ZSCAN25: variants seen among roughly 807,000 people sequenced by gnomAD.
ZSCAN25 encodes the protein zinc finger and SCAN domain containing 25.
A neutral mutation model predicts 38.7 loss-of-function variants in ZSCAN25; 27 were observed. That is an observed-to-expected ratio of 0.70 (90% CI 0.51 to 0.96). ZSCAN25 has a LOEUF of 0.96. ZSCAN25 is among the 40% of genes least tolerant of loss of function. The pLI, the probability that ZSCAN25 is intolerant of heterozygous loss-of-function variation, is 0.00. For synonymous variants in ZSCAN25, 273 were observed against 277.7 expected (o/e 0.98, Z 0.17); for missense variants, 637 against 705.9 (o/e 0.90, Z 1.11).
At chr7:99,715,526 T>C in the ZSCAN25 span, 3 of 626,334 alleles carry the variant, frequency 4.8e-6, no homozygotes, top group Non-Finnish European at 7.9e-6. Context: ...CTAGTGGTTA[T>C]ATACGACAAC....
At chr7:99,726,934 C>T in the ZSCAN25 span, among the ~76,000 whole-genome samples, 1 of 152,212 alleles carries the variant, frequency 6.6e-6, no homozygotes, top group East Asian at 1.9e-4. Flanking sequence ...GAAACCCCAA[C>T]CCCTTCTACA....
chr7:99,635,333 A>G (rs188202577), downstream of ZSCAN25, among the ~76,000 whole-genome samples: 108 of 152,324 alleles, frequency 7.1e-4, no homozygotes, highest in African/African-American at 2.5e-3. Context: ...ACTGCAGTTT[A>G]TAAATTCACA....
chr7:99,662,798 G>T, the ZSCAN25 span: 1 of 1,611,060 alleles, frequency 6.2e-7, no homozygotes, highest in Non-Finnish European at 8.5e-7. The surrounding 1 kb of genome is among the most constrained non-coding windows in gnomAD (Gnocchi z 4.3). Flanking sequence ...GTAGCCCTCA[G>T]AAGCACTCCT....
chr7:99,711,038 T>A, the ZSCAN25 span: 25 of 1,364,468 alleles, frequency 1.8e-5, no homozygotes, highest in Non-Finnish European at 1.7e-5. Flanking sequence ...GTGGTTTCAC[T>A]CTGATGTGTG....
At chr7:99,718,105 C>T in the ZSCAN25 span, among the ~76,000 whole-genome samples, 1 of 151,960 alleles carries the variant, frequency 6.6e-6, no homozygotes, top group African/African-American at 2.4e-5. Context: ...GGGAACATCA[C>T]ACACTGGGGC....
chr7:99,631,713 C>G lies in ZSCAN25; in HGVS notation c.*1693C>G, dbSNP rs565307406. ...CCCACTTTGAAACGTGGTTTTATCA[C>G]CTGTTCTTGTTAGGCAGCATGGTGT... On this transcript the variant is annotated 3_prime_UTR_variant, in exon 8 of 8. Coordinates refer to ENST00000394152, the MANE Select transcript of ZSCAN25 (RefSeq NM_145115.3). 2.0e-4 allele frequency: 199 copies of G among 985,244 alleles called. No homozygotes were observed. Among genetic ancestry groups the G allele is most frequent in the Admixed American group, 4.3e-4 (7 of 16,258 alleles). The allele number at this position is 985,244 out of a possible 1,614,324, so 61.0% of individuals were successfully genotyped here.
chr7:99,715,621 G>A, the ZSCAN25 span: 3 of 1,449,890 alleles, frequency 2.1e-6, no homozygotes, highest in African/African-American at 2.8e-5. Context: ...AATGGTGATG[G>A]TCGTACATAT....
At chr7:99,674,750 CAG>C in the ZSCAN25 span, among the ~76,000 whole-genome samples, 3 of 152,310 alleles carry the variant, frequency 2.0e-5, no homozygotes, top group Admixed American at 6.5e-5. Flanking sequence ...GACAAGAAAA[CAG>C]AGAATATATT....
chr7:99,630,311 C>G lies in ZSCAN25; in HGVS notation c.*291C>G, dbSNP rs187594291. The stretch of plus-strand genomic sequence containing the variant: ...CAGTGGACTGTCTGTGTCCCCCTGC[C>G]GAACAAAGCTGGGAGTAAAGGCAAA... On this transcript the variant is annotated 3_prime_UTR_variant, in exon 8 of 8. Coordinates refer to ENST00000394152, the MANE Select transcript of ZSCAN25 (RefSeq NM_145115.3). 3.4e-6 allele frequency: 4 copies of G among 1,191,804 alleles called. No homozygotes were observed. Among genetic ancestry groups the G allele is most frequent in the Non-Finnish European group, 3.1e-6 (3 of 959,366 alleles). The allele number at this position is 1,191,804 out of a possible 1,614,324, so 73.8% of individuals were successfully genotyped here.
the ZSCAN25 span, chr7:99,663,989 ACTTTTCTT>A: frequency 1.9e-6 from 3 of 1,590,394 alleles, no homozygotes; most frequent in Non-Finnish European, 2.6e-6. Flanking sequence ...CGTTGAGGCG[ACTTTTCTT>A]CATTCTGTTT....
chr7:99,691,808 TC>T, the ZSCAN25 span, among the ~76,000 whole-genome samples: 1 of 152,208 alleles, frequency 6.6e-6, no homozygotes, highest in Non-Finnish European at 1.5e-5. Context: ...GAGGTGGGTC[TC>T]CTGAACACAG....
chr7:99,632,989 G>GTTTTTTTTTTTTTTTTTTTTTTGTT (rs751799800), downstream of ZSCAN25, among the ~76,000 whole-genome samples: 1 of 128,528 alleles, frequency 7.8e-6, no homozygotes, highest in African/African-American at 3.0e-5. Context: ...ATTTTCTGTT[G>GTTTTTTTTTTTTTTTTTTTTTTGTT]TTTTTTTTTT....
rs1186726082 is a variant in ZSCAN25 at position 99,619,592 on chromosome 7, G to A, written c.-15G>A. Reference sequence around the variant, plus strand: ...TGATGCAGTCATTCTCAGTCTCCTCGGAGGGAGTCTGAAGATGCTTAAAGA... The same window carrying A: ...TGATGCAGTCATTCTCAGTCTCCTCAGAGGGAGTCTGAAGATGCTTAAAGA... On this transcript the variant is annotated 5_prime_UTR_variant, in exon 4 of 8. Transcript: ENST00000394152. 24 of 1,604,264 alleles carry A rather than the reference G, an allele frequency of 1.5e-5. No individual in the cohort carries two copies. The highest frequency in any genetic ancestry group is 2.2e-5 in the South Asian group (2 of 90,044).
the ZSCAN25 span, among the ~76,000 whole-genome samples, chr7:99,693,887 C>T: frequency 5.9e-5 from 9 of 152,130 alleles, no homozygotes; most frequent in East Asian, 3.9e-4. Flanking sequence ...CTTAACCCTG[C>T]GTCTAATTGG....
the ZSCAN25 span, among the ~76,000 whole-genome samples, chr7:99,645,560 A>C: frequency 1.3e-5 from 2 of 152,094 alleles, no homozygotes. Context: ...GAACTAATTC[A>C]CACTCCCACC....
At chr7:99,725,672 C>T in the ZSCAN25 span, among the ~76,000 whole-genome samples, 3 of 152,228 alleles carry the variant, frequency 2.0e-5, 1 homozygote, top group African/African-American at 7.2e-5. Context: ...TCCTAAAGTT[C>T]CTGGAGCTCA....
chr7:99,708,463 A>G, the ZSCAN25 span, among the ~76,000 whole-genome samples: 1 of 151,014 alleles, frequency 6.6e-6, no homozygotes, highest in Non-Finnish European at 1.5e-5. Flanking sequence ...ACCTTGTCTT[A>G]CCCCTCCTTC....
the ZSCAN25 span, among the ~76,000 whole-genome samples, chr7:99,723,459 CT>C: frequency 6.6e-6 from 1 of 152,198 alleles, no homozygotes; most frequent in African/African-American, 2.4e-5. Flanking sequence ...TGACCCACCC[CT>C]ATCTCCCTTT....
In ZSCAN25 at chr7:99,630,031, T is replaced by A; in HGVS notation, c.*11T>A. On this transcript the variant is annotated 3_prime_UTR_variant, in exon 8 of 8. Transcript: ENST00000394152. ...CCGCTGGTGCAGTGAGCATAGCAGG[T>A]GGCAGGCAGCACCATCATTCATCTT... 1 of 1,508,970 alleles carries A rather than the reference T, an allele frequency of 6.6e-7. No homozygotes were observed. The highest frequency in any genetic ancestry group is 8.9e-7 in the Non-Finnish European group (1 of 1,127,824). The allele number at this position is 1,508,970 out of a possible 1,614,324, so 93.5% of individuals were successfully genotyped here.
Sources: allele counts gnomAD v4.1 joint callset (sites outside exome capture counted in the v4.1 genomes callset), GRCh38; gene constraint gnomAD v4.1.1; non-coding constraint Gnocchi (gnomAD v3.1); transcripts MANE v1.5; gene names NCBI Gene and HGNC (gene_info 2026-07-23, HGNC 2026-07-21).